TBC1D9B: variants seen among roughly 807,000 people sequenced by gnomAD.
The protein encoded by TBC1D9B is TBC1 domain family member 9B.
A neutral mutation model predicts 121.1 loss-of-function variants in TBC1D9B; 87 were observed. The observed-to-expected ratio is 0.72, with a 90% confidence interval of 0.60 to 0.86. The LOEUF is 0.86. Among genes scored for constraint, TBC1D9B ranks in the 40% least tolerant of loss-of-function variants. The probability of loss-of-function intolerance (pLI) is 0.00; values close to 1 mark genes in which losing one functional copy is unlikely to be tolerated. For synonymous variants in TBC1D9B, 668 were observed against 670.1 expected (o/e 1.00, Z 0.05); for missense variants, 1,540 against 1,628.6 (o/e 0.95, Z 0.94).
chr5:179,873,394 G>C, intron 12 of TBC1D9B, 146 bp from the exon 13 acceptor site: 4 of 1,282,410 alleles, frequency 3.1e-6, no homozygotes, highest in Non-Finnish European at 4.1e-6. Flanking sequence ...CAGGAGGGCA[G>C]AGGTGTGCCC....
At chr5:179,882,764 G>A (rs546901112) in intron 7 of TBC1D9B, among the ~76,000 whole-genome samples, 1 of 152,248 alleles carries the variant, frequency 6.6e-6, no homozygotes, top group Non-Finnish European at 1.5e-5. Context: ...GCACAAGACT[G>A]CTTGAACCTG....
In TBC1D9B at chr5:179,879,701, G is replaced by A. The variant is rs762772283; in HGVS notation, c.1343C>T (p.Ala448Val). The A allele has an allele frequency of 1.7e-5, 28 of 1,614,194 alleles. No homozygotes were observed. In the East Asian group the frequency reaches 2.7e-4, roughly 15 times the overall value. The change falls in exon 8 of 21, where the codon GCG becomes GTG. Residue 448 changes from alanine to valine, a missense_variant. Physicochemically the swap from Ala to Val is moderately conservative, Grantham distance 64. Coordinates refer to ENST00000355235, the MANE Select transcript of TBC1D9B (RefSeq NM_015043.4). Reference protein sequence around the residue: ...SSRQSFCAQEAPTASQGLLKL... With the variant: ...SSRQSFCAQEVPTASQGLLKL... ...CAGCAGGCCCTGGGATGCGGTTGGC[G>A]CCTCCTGCGCACAGAAGCTCTGGCG...
chr5:179,893,455 A>C lies in TBC1D9B; in HGVS notation c.590T>G (p.Val197Gly), dbSNP rs1214115675. 6.2e-7 allele frequency: 1 copy of C among 1,603,182 alleles called. No homozygotes were observed. Residue 197 changes from valine to glycine, a missense_variant, in exon 5 of 21, where the codon GTG (valine) becomes GGG (glycine). Transcript: ENST00000355235. ...FLLGKEVSLV[V>G]QWVDITRLEK... The stretch of plus-strand genomic sequence containing the variant: ...CAGACGCGTTATGTCCACCCACTGC[A>C]CCACGAGGCTCACTGTGCCCACAGA...
In TBC1D9B at chr5:179,893,453, GCAC is replaced by G. The variant is rs1760926302; in HGVS notation, c.589_591del (p.Val197del). 6.2e-7 allele frequency: 1 copy of G among 1,603,402 alleles called. No individual in the cohort carries two copies. The highest frequency in any genetic ancestry group is 1.3e-5 in the African/African-American group (1 of 74,782). ...TCCAGACGCGTTATGTCCACCCACT[GCAC>G]CACGAGGCTCACTGTGCCCACAGAG... On this transcript the variant is annotated inframe_deletion, in exon 5 of 21. Transcript: ENST00000355235.
At chr5:179,895,976 T>C (rs548632010) in intron 3 of TBC1D9B, among the ~76,000 whole-genome samples, 54 of 152,346 alleles carry the variant, frequency 3.5e-4, no homozygotes, top group Non-Finnish European at 5.4e-4. Context: ...AAGCTGGATA[T>C]ACGTTCTCCT....
intron 6 of TBC1D9B, 34 bp from the exon 7 acceptor site, chr5:179,888,346 C>A: frequency 1.2e-6 from 2 of 1,603,614 alleles, no homozygotes; most frequent in Non-Finnish European, 1.7e-6. Flanking sequence ...TGGGTGTCTG[C>A]ATCTCAGGCC....
rs913660976 is a variant in TBC1D9B at position 179,865,142 on chromosome 5, A to G, written c.3021+112T>C. The G allele has an allele frequency of 4.0e-6, 4 of 1,001,812 alleles. No homozygotes were observed. 62.1% of individuals were successfully genotyped at this position (1,001,812 alleles called of 1,614,324 possible). On this transcript the variant is annotated intron_variant, in intron 20 of 20. Coordinates refer to ENST00000355235, the MANE Select transcript of TBC1D9B (RefSeq NM_015043.4). This position sits in a 1 kb window ranked among gnomAD's most constrained non-coding sequence, Gnocchi z 5.1. ...GGACTAACGGGCTCTAGAGGCAGGG[A>G]GGAGCCTTCCCACCCACCAGGAGAT...
In TBC1D9B at chr5:179,891,286, G is replaced by GT; in HGVS notation, c.1044+92dup. On this transcript the variant is annotated intron_variant, in intron 6 of 20. Transcript: ENST00000355235. This position sits in a 1 kb window ranked among gnomAD's most constrained non-coding sequence, Gnocchi z 4.3. ...AGGGCATCCTCCCAGGTACCCCCCAGTGAGACAGGGCAGAGCAGGACAGGC... is the reference window on the plus strand; with the variant it reads ...AGGGCATCCTCCCAGGTACCCCCCAGTTGAGACAGGGCAGAGCAGGACAGGC... The GT allele has an allele frequency of 6.9e-7, 1 of 1,451,546 alleles. No homozygotes were observed. The highest frequency in any genetic ancestry group is 9.6e-7 in the Non-Finnish European group (1 of 1,046,022). The allele number at this position is 1,451,546 out of a possible 1,614,324, so 89.9% of individuals were successfully genotyped here.
Position 179,890,636 on chromosome 5 carries a change from T to TTA in TBC1D9B, c.1044+741_1044+742dup, listed in dbSNP as rs1760836102. On this transcript the variant is annotated intron_variant, in intron 6 of 20. Coordinates refer to ENST00000355235, the MANE Select transcript of TBC1D9B (RefSeq NM_015043.4). The surrounding 1 kb of genome is among the most constrained non-coding windows in gnomAD (Gnocchi z 5.0). The stretch of plus-strand genomic sequence containing the variant: ...ATTTGTGCAAATGGCAGGGAGGTCT[T>TTA]TAAGTTAAGAATCTCACTTGATTCT... Among the ~76,000 whole-genome samples, 1 of 152,218 alleles carries TTA rather than the reference T, an allele frequency of 6.6e-6. No individual in the cohort carries two copies. The highest frequency in any genetic ancestry group is 1.5e-5 in the Non-Finnish European group (1 of 68,024).
chr5:179,880,069 C>A, intron 7 of TBC1D9B: 1 of 519,490 alleles, frequency 1.9e-6, no homozygotes, highest in South Asian at 2.3e-5. Context: ...CCTGTGGGGC[C>A]CTTTTCTGAG....
At position 179,904,814 on chromosome 5, in the gene TBC1D9B, TG is replaced by T; in HGVS notation, c.119-3del. 2 of 1,555,732 alleles carry T rather than the reference TG, an allele frequency of 1.3e-6. No individual in the cohort carries two copies. Among genetic ancestry groups the T allele is most frequent in the South Asian group, 1.2e-5 (1 of 84,340 alleles). Reference sequence around the variant, plus strand: ...CGTCCAGGGTGCCCACGAGAAGACCTGGGAACAGGGCAGAGAGACATAGAGG... The same window carrying T: ...CGTCCAGGGTGCCCACGAGAAGACCTGGAACAGGGCAGAGAGACATAGAGG... On this transcript the variant is annotated splice_region_variant and splice_polypyrimidine_tract_variant and intron_variant, in intron 1 of 20. Transcript: ENST00000355235. The surrounding 1 kb of genome is among the most constrained non-coding windows in gnomAD (Gnocchi z 4.2).
In TBC1D9B at chr5:179,873,164, G is replaced by T. The variant is rs1760254137; in HGVS notation, c.2271C>A (p.Pro757=). Reference sequence around the variant, plus strand: ...GCTCAAAGATGTCCACCTCTGCAGGGGGGTCATCGCTGCTGCTCAGCAAGG... The same window carrying T: ...GCTCAAAGATGTCCACCTCTGCAGGTGGGTCATCGCTGCTGCTCAGCAAGG... ...LRALLSSSDD[P]PAEVDIFELL... The change falls in exon 13 of 21, where the codon CCC becomes CCA. Residue 757 remains proline (P), a synonymous_variant. Coordinates refer to ENST00000355235, the MANE Select transcript of TBC1D9B (RefSeq NM_015043.4). The T allele has an allele frequency of 1.9e-6, 3 of 1,613,138 alleles. No individual in the cohort carries two copies. The highest frequency in any genetic ancestry group is 2.7e-5 in the African/African-American group (2 of 75,066).
At position 179,879,668 on chromosome 5, in the gene TBC1D9B, A is replaced by T; in HGVS notation, c.1376T>A (p.Phe459Tyr). 1 of 1,614,116 alleles carries T rather than the reference A, an allele frequency of 6.2e-7. No individual in the cohort carries two copies. The stretch of plus-strand genomic sequence containing the variant: ...GTCCTCCATGGGCGAGTTTTTCTGG[A>T]AGAGCTTCAGCAGGCCCTGGGATGC... ...PTASQGLLKL[F>Y]QKNSPMEDLG... Residue 459 changes from phenylalanine (F) to tyrosine (Y), a missense_variant, in exon 8 of 21, where the codon TTC (phenylalanine) becomes TAC (tyrosine). By Grantham distance (22) the Phe-to-Tyr change is conservative. Transcript: ENST00000355235.
At position 179,899,223 on chromosome 5, in the gene TBC1D9B, TC is replaced by T; in HGVS notation, c.313del (p.Glu105LysfsTer38). The T allele has an allele frequency of 6.2e-7, 1 of 1,614,134 alleles. No individual in the cohort carries two copies. Among genetic ancestry groups the T allele is most frequent in the South Asian group, 1.1e-5 (1 of 91,064 alleles). ...LQTLSIFDSE[E>X]DITTFVKGKI... ...GCCCTTGACGAAGGTGGTGATATCT[TC>T]CTCACTGTCGAAGATGGACAGTGTC... On this transcript the variant is annotated frameshift_variant, in exon 3 of 21. Coordinates refer to ENST00000355235, the MANE Select transcript of TBC1D9B (RefSeq NM_015043.4). LOFTEE classifies it high-confidence loss of function.
At chr5:179,905,202 A>G (rs2113655194) in intron 1 of TBC1D9B, among the ~76,000 whole-genome samples, 1 of 152,354 alleles carries the variant, frequency 6.6e-6, no homozygotes, top group East Asian at 1.9e-4. Context: ...AAAAAAGAAC[A>G]ATATCAGAAA....
chr5:179,879,342 C>A (rs1408531036), intron 8 of TBC1D9B, 145 bp from the exon 9 acceptor site: 3 of 1,301,852 alleles, frequency 2.3e-6, no homozygotes, highest in Non-Finnish European at 3.1e-6. Context: ...AAAGACCAGG[C>A]CGCGCTGAGC....
In TBC1D9B at chr5:179,862,304, T is replaced by A; in HGVS notation, c.*1144A>T. 1 of 287,310 alleles carries A rather than the reference T, an allele frequency of 3.5e-6. No individual in the cohort carries two copies. The highest frequency in any genetic ancestry group is 7.3e-6 in the Non-Finnish European group (1 of 136,464). 17.8% of individuals were successfully genotyped at this position (287,310 alleles called of 1,614,324 possible). ...TTTAGTAGAAGCAAGAGCAGCCCCA[T>A]GTGGGGGCTAACACTGGACACTGGT... is the stretch of plus-strand genomic sequence containing the variant. On this transcript the variant is annotated 3_prime_UTR_variant, in exon 21 of 21. Transcript: ENST00000355235.
rs765403238 is a variant in TBC1D9B at position 179,878,404 on chromosome 5, C to T, written c.1687G>A (p.Glu563Lys). Residue 563 changes from glutamate (E) to lysine (K), a missense_variant, in exon 10 of 21, where the codon GAG (glutamate) becomes AAG (lysine). Glu to Lys is a moderately conservative substitution (Grantham distance 56). Coordinates refer to ENST00000355235, the MANE Select transcript of TBC1D9B (RefSeq NM_015043.4). ...AGCTCGTTCTGGAAGGCAGGGTGCTCGGGCATGGAGCGGTGCAGGTCTCGC... is the reference window on the plus strand; with the variant it reads ...AGCTCGTTCTGGAAGGCAGGGTGCTTGGGCATGGAGCGGTGCAGGTCTCGC... ...IERDLHRSMP[E>K]HPAFQNELGI... The T allele has an allele frequency of 9.3e-6, 15 of 1,613,564 alleles. No homozygotes were observed. Among genetic ancestry groups the T allele is most frequent in the East Asian group, 8.9e-5 (4 of 44,872 alleles).
chr5:179,900,828 C>T lies in TBC1D9B; in HGVS notation c.230-1521G>A, dbSNP rs1236056185. Among the ~76,000 whole-genome samples the T allele has an allele frequency of 2.6e-5, 4 of 152,198 alleles. No individual in the cohort carries two copies. The East Asian group carries it at 7.7e-4, about 29-fold the overall frequency. On this transcript the variant is annotated intron_variant, in intron 2 of 20. Coordinates refer to ENST00000355235, the MANE Select transcript of TBC1D9B (RefSeq NM_015043.4). ...TCTTAGGAACAAGAGCACTACGGCA[C>T]TATGCTCGGGAGGCCAGTGTGACTG...
Sources: allele counts gnomAD v4.1 joint callset (sites outside exome capture counted in the v4.1 genomes callset), GRCh38; gene constraint gnomAD v4.1.1; non-coding constraint Gnocchi (gnomAD v3.1); transcripts MANE v1.5; gene names NCBI Gene and HGNC (gene_info 2026-07-23, HGNC 2026-07-21).